Variants in ZNF135 observed in about 807,000 individuals in gnomAD.
ZNF135 encodes zinc finger protein 135 (clone pHZ-17).
Under a neutral mutation model 12.3 loss-of-function variants are expected in ZNF135, and 11 were observed. The ratio of observed to expected loss-of-function variants is 0.89; its 90% CI spans 0.56 to 1.48. ZNF135 has a LOEUF of 1.48. ZNF135 is among the 40% of genes most tolerant of loss of function. The pLI is 0.00. For missense variants in ZNF135, 722 were observed against 815.7 expected, an observed-to-expected ratio of 0.89 and a Z score of 1.40; for synonymous variants, 316 against 312.0, an observed-to-expected ratio of 1.01 and a Z score of -0.14.
rs1163625333 is a variant in ZNF135 at position 58,068,400 on chromosome 19, G to A, written c.1916G>A (p.Cys639Tyr). The A allele has an allele frequency of 1.2e-5, 19 of 1,614,200 alleles. No homozygotes were observed. The highest frequency in any genetic ancestry group is 1.6e-5 in the Non-Finnish European group (19 of 1,180,018). ...TGEKPYACRD[C>Y]GKAFTHSSSL... Reference sequence around the variant, plus strand: ...GAGAAGCCATATGCATGCAGGGACTGTGGAAAGGCCTTTACCCACAGCTCC... The same window carrying A: ...GAGAAGCCATATGCATGCAGGGACTATGGAAAGGCCTTTACCCACAGCTCC... Residue 639 changes from cysteine (C) to tyrosine (Y), a missense_variant, in exon 5 of 5, where the codon TGT becomes TAT. Transcript: ENST00000313434.
In ZNF135 at chr19:58,068,302, T is replaced by C; in HGVS notation, c.1818T>C (p.Tyr606=). 1 of 1,613,640 alleles carries C rather than the reference T, an allele frequency of 6.2e-7. No individual in the cohort carries two copies. The highest frequency in any genetic ancestry group is 8.5e-7 in the Non-Finnish European group (1 of 1,179,936). The change falls in exon 5 of 5, where the codon TAT becomes TAC. Residue 606 remains tyrosine (Y), a synonymous_variant. Coordinates refer to ENST00000313434, the MANE Select transcript of ZNF135 (RefSeq NM_001289401.2). ...HERTHTGEKP[Y]ECHDCGKSFR... ...GGACGCACACTGGGGAAAAGCCCTA[T>C]GAGTGTCACGATTGCGGAAAGTCCT...
chr19:58,066,677 C>T (rs1283973846), intron 4 of ZNF135, 64 bp from the exon 5 acceptor site: 2 of 1,581,256 alleles, frequency 1.3e-6, no homozygotes, highest in Non-Finnish European at 1.7e-6. Flanking sequence ...CTTCCCATCT[C>T]ACCACAAACT....
rs1265514514 is a variant in ZNF135 at position 58,068,405 on chromosome 19, A to G, written c.1921A>G (p.Lys641Glu). ...EKPYACRDCGKAFTHSSSLTK... is the reference protein window; with the variant it reads ...EKPYACRDCGEAFTHSSSLTK... ...GCCATATGCATGCAGGGACTGTGGA[A>G]AGGCCTTTACCCACAGCTCCTCCCT... The change falls in exon 5 of 5, where the codon AAG becomes GAG. Residue 641 changes from lysine (K) to glutamate (E), a missense_variant. Coordinates refer to ENST00000313434, the MANE Select transcript of ZNF135 (RefSeq NM_001289401.2). 1.9e-6 allele frequency: 3 copies of G among 1,614,196 alleles called. No homozygotes were observed. Among genetic ancestry groups the G allele is most frequent in the South Asian group, 2.2e-5 (2 of 91,086 alleles).
At chr19:58,062,888 G>T (rs2145927527) in intron 3 of ZNF135, among the ~76,000 whole-genome samples, 1 of 151,794 alleles carries the variant, frequency 6.6e-6, no homozygotes. Flanking sequence ...ACGGGTCCTT[G>T]CTGTGTTGCC....
At chr19:58,061,853 A>C in intron 3 of ZNF135, 147 bp downstream of exon 3, 1 of 1,070,732 alleles carries the variant, frequency 9.3e-7, no homozygotes, top group Non-Finnish European at 1.3e-6. Flanking sequence ...GTTTTAATGT[A>C]GGAAATATCA....
rs760300461 is a variant in ZNF135 at position 58,065,053 on chromosome 19, G to A, written c.256+1512G>A. ...TCAAGCGTCAACAATACTACACTTCGTAGCATAAAGCAAAGCAAATTATTT... is the reference window on the plus strand; with the variant it reads ...TCAAGCGTCAACAATACTACACTTCATAGCATAAAGCAAAGCAAATTATTT... On this transcript the variant is annotated intron_variant, in intron 4 of 4. Coordinates refer to ENST00000313434, the MANE Select transcript of ZNF135 (RefSeq NM_001289401.2). This position sits in a 1 kb window ranked among gnomAD's most constrained non-coding sequence, Gnocchi z 4.0. Among the ~76,000 whole-genome samples, 19 of 152,148 alleles carry A rather than the reference G, an allele frequency of 1.2e-4. No individual in the cohort carries two copies. Among genetic ancestry groups the A allele is most frequent in the African/African-American group, 2.4e-4 (10 of 41,410 alleles).
chr19:58,064,117 A>G (rs1411539705), intron 4 of ZNF135, among the ~76,000 whole-genome samples: 2 of 152,184 alleles, frequency 1.3e-5, no homozygotes, highest in Non-Finnish European at 2.9e-5. Flanking sequence ...ATGTGCCTGT[A>G]GGGTGATTGG....
rs2074117274 is a variant in ZNF135 at position 58,068,452 on chromosome 19, C to G, written c.1968C>G (p.His656Gln). The change falls in exon 5 of 5, where the codon CAC becomes CAG. Residue 656 changes from histidine (H) to glutamine (Q), a missense_variant. Transcript: ENST00000313434. ...SSSLTKHQRT[H>Q]TG ...CCCTTACCAAGCACCAGAGAACTCA[C>G]ACTGGATAAACCCACTCCACATGTG... The G allele has an allele frequency of 1.9e-6, 3 of 1,613,672 alleles. No individual in the cohort carries two copies. Among genetic ancestry groups the G allele is most frequent in the African/African-American group, 2.7e-5 (2 of 74,920 alleles).
Position 58,068,644 on chromosome 19 carries a change from T to C in ZNF135, c.*183T>C. 1.6e-6 allele frequency: 1 copy of C among 644,068 alleles called. No individual in the cohort carries two copies. The highest frequency in any genetic ancestry group is 2.6e-6 in the Non-Finnish European group (1 of 386,106). The allele number at this position is 644,068 out of a possible 1,614,324, so 39.9% of individuals were successfully genotyped here. On this transcript the variant is annotated 3_prime_UTR_variant, in exon 5 of 5. Coordinates refer to ENST00000313434, the MANE Select transcript of ZNF135 (RefSeq NM_001289401.2). ...GGAAATGACCATGGGACCACCAAGC[T>C]CTAGGTCATCCATCTCTGCATCCAA...
In ZNF135 at chr19:58,060,561, C is replaced by T. The variant is rs1057404626; in HGVS notation, c.33+526C>T. ...CGCTCCAAGATGGCGCATCGAGTGC[C>T]GCTTCCTCAGACGTCATGGAGGCCA... On this transcript the variant is annotated intron_variant, in intron 2 of 4. Coordinates refer to ENST00000313434, the MANE Select transcript of ZNF135 (RefSeq NM_001289401.2). This position sits in a 1 kb window ranked among gnomAD's most constrained non-coding sequence, Gnocchi z 4.9. Among the ~76,000 whole-genome samples the T allele has an allele frequency of 6.6e-6, 1 of 152,208 alleles. No individual in the cohort carries two copies. Among genetic ancestry groups the T allele is most frequent in the Non-Finnish European group, 1.5e-5 (1 of 68,036 alleles).
rs371178818 is a variant in ZNF135, at chr19:58,063,458, C to T, written c.173C>T (p.Pro58Leu). The change falls in exon 4 of 5, where the codon CCG (proline) becomes CTG (leucine). Residue 58 changes from proline to leucine, a missense_variant. Pro to Leu is a moderately conservative substitution (Grantham distance 98). Transcript: ENST00000313434. The surrounding 1 kb of genome is among the most constrained non-coding windows in gnomAD (Gnocchi z 4.4). ...TCTCCCTGAGCAGGACATTGGTTAC[C>T]GAAGCCGAATGTCATCTCCCTGCTG... ...RLLVSVGHWL[P>L]KPNVISLLEQ... The T allele has an allele frequency of 6.3e-5, 101 of 1,613,902 alleles. No individual in the cohort carries two copies. The Admixed American group carries it at 8.3e-4, about 13-fold the overall frequency.
chr19:58,068,326 C>T lies in ZNF135; in HGVS notation c.1842C>T (p.Ser614=), dbSNP rs1175601132. Residue 614 remains serine (S), a synonymous_variant, in exon 5 of 5, where the codon TCC becomes TCT. Coordinates refer to ENST00000313434, the MANE Select transcript of ZNF135 (RefSeq NM_001289401.2). ...ATGAGTGTCACGATTGCGGAAAGTCCTTTAGGCAGAGCACCCACCTCACTC... is the reference window on the plus strand; with the variant it reads ...ATGAGTGTCACGATTGCGGAAAGTCTTTTAGGCAGAGCACCCACCTCACTC... The part of the protein sequence containing the change: ...KPYECHDCGK[S]FRQSTHLTQH... 1 of 1,614,048 alleles carries T rather than the reference C, an allele frequency of 6.2e-7. No individual in the cohort carries two copies.
chr19:58,059,840 G>A lies in ZNF135; in HGVS notation c.-34-129G>A. 2 of 1,130,740 alleles carry A rather than the reference G, an allele frequency of 1.8e-6. No individual in the cohort carries two copies. Among genetic ancestry groups the A allele is most frequent in the African/African-American group, 1.6e-5 (1 of 64,064 alleles). The allele number at this position is 1,130,740 out of a possible 1,614,324, so 70.0% of individuals were successfully genotyped here. A position where few individuals can be genotyped will look rare whatever the true frequency, so the allele number is the denominator to read the frequency against. Reference sequence around the variant, plus strand: ...GAGGGCCGCCCCACACACAGCAGGCGCTTAAACGGGTACGCGGGGCCCTGG... The same window carrying A: ...GAGGGCCGCCCCACACACAGCAGGCACTTAAACGGGTACGCGGGGCCCTGG... On this transcript the variant is annotated intron_variant, in intron 1 of 4. Coordinates refer to ENST00000313434, the MANE Select transcript of ZNF135 (RefSeq NM_001289401.2). This position sits in a 1 kb window ranked among gnomAD's most constrained non-coding sequence, Gnocchi z 6.5.
Position 58,060,100 on chromosome 19 carries a change from T to C in ZNF135, c.33+65T>C, listed in dbSNP as rs1271216961. Reference sequence around the variant, plus strand: ...TGCCCGGCCTCCTCGCGCGCGGCCTTCTCACGCCCGGCCTCCTCTTTGCAC... The same window carrying C: ...TGCCCGGCCTCCTCGCGCGCGGCCTCCTCACGCCCGGCCTCCTCTTTGCAC... On this transcript the variant is annotated intron_variant, in intron 2 of 4. Transcript: ENST00000313434. The surrounding 1 kb of genome is among the most constrained non-coding windows in gnomAD (Gnocchi z 4.9). 16 of 1,601,302 alleles carry C rather than the reference T, an allele frequency of 1.0e-5. No individual in the cohort carries two copies. The highest frequency in any genetic ancestry group is 1.1e-5 in the Non-Finnish European group (13 of 1,176,988).
chr19:58,067,782 C>G lies in ZNF135; in HGVS notation c.1298C>G (p.Thr433Arg). ...CTGACCGAGCATCGGAGGATTCACACAGGAGAGAAGCCCTATGGATGCAAC... is the reference window on the plus strand; with the variant it reads ...CTGACCGAGCATCGGAGGATTCACAGAGGAGAGAAGCCCTATGGATGCAAC... ...TLLTEHRRIH[T>R]GEKPYGCNEC... The change falls in exon 5 of 5, where the codon ACA becomes AGA. Residue 433 changes from threonine (T) to arginine (R), a missense_variant. Coordinates refer to ENST00000313434, the MANE Select transcript of ZNF135 (RefSeq NM_001289401.2). The G allele has an allele frequency of 6.2e-7, 1 of 1,614,116 alleles. No individual in the cohort carries two copies. The highest frequency in any genetic ancestry group is 1.1e-5 in the South Asian group (1 of 91,058).
chr19:58,064,394 T>A (rs1249104377), intron 4 of ZNF135, among the ~76,000 whole-genome samples: 1 of 152,136 alleles, frequency 6.6e-6, no homozygotes, highest in African/African-American at 2.4e-5. Context: ...GAGCCACCCC[T>A]GAGACAGCAA....
In ZNF135 at chr19:58,062,581, C is replaced by T. The variant is rs185202238; in HGVS notation, c.161-865C>T. Among the ~76,000 whole-genome samples the T allele has an allele frequency of 5.0e-3, 743 of 148,390 alleles. 5 individuals carry two copies. Among genetic ancestry groups the T allele is most frequent in the Middle Eastern group, 0.026 (7 of 270 alleles). The stretch of plus-strand genomic sequence containing the variant: ...TTTTTTTTTGTATATTTAGTAGAGA[C>T]GGGGTTTCACCGTGTTAGCCAGGAT... On this transcript the variant is annotated intron_variant, in intron 3 of 4. Coordinates refer to ENST00000313434, the MANE Select transcript of ZNF135 (RefSeq NM_001289401.2).
In ZNF135 at chr19:58,068,322, A is replaced by G; in HGVS notation, c.1838A>G (p.Lys613Arg). ...CCCTATGAGTGTCACGATTGCGGAA[A>G]GTCCTTTAGGCAGAGCACCCACCTC... ...EKPYECHDCG[K>R]SFRQSTHLTQ... Residue 613 changes from lysine to arginine, a missense_variant, in exon 5 of 5, where the codon AAG becomes AGG. By Grantham distance (26) the Lys-to-Arg change is conservative (BLOSUM62 2). Transcript: ENST00000313434. 4.3e-6 allele frequency: 7 copies of G among 1,613,838 alleles called. No individual in the cohort carries two copies. The highest frequency in any genetic ancestry group is 5.9e-6 in the Non-Finnish European group (7 of 1,179,986).
chr19:58,063,358 G>A lies in ZNF135; in HGVS notation c.161-88G>A. Reference sequence around the variant, plus strand: ...CACTCAGGGGTCCCCAGCCATCTGGGACCTGGAAGACCAAAGGTGGAATGG... The same window carrying A: ...CACTCAGGGGTCCCCAGCCATCTGGAACCTGGAAGACCAAAGGTGGAATGG... On this transcript the variant is annotated intron_variant, in intron 3 of 4. Coordinates refer to ENST00000313434, the MANE Select transcript of ZNF135 (RefSeq NM_001289401.2). The surrounding 1 kb of genome is among the most constrained non-coding windows in gnomAD (Gnocchi z 4.4). The A allele has an allele frequency of 6.4e-7, 1 of 1,574,310 alleles. No individual in the cohort carries two copies. The highest frequency in any genetic ancestry group is 8.6e-7 in the Non-Finnish European group (1 of 1,157,998).
Sources: allele counts gnomAD v4.1 joint callset (sites outside exome capture counted in the v4.1 genomes callset), GRCh38; gene constraint gnomAD v4.1.1; non-coding constraint Gnocchi (gnomAD v3.1); transcripts MANE v1.5; gene names NCBI Gene and HGNC (gene_info 2026-07-23, HGNC 2026-07-21).